The following LDLRAD4 variants were observed in gnomAD, a reference collection of about 807,000 sequenced individuals.
LDLRAD4 encodes the protein low-density lipoprotein receptor class A domain-containing protein 4.
A neutral mutation model predicts 17.0 loss-of-function variants in LDLRAD4; 5 were observed. The observed-to-expected ratio is 0.29, with a 90% CI of 0.15 to 0.62. The LOEUF (loss-of-function observed/expected upper bound fraction) is 0.62, where lower values mean the gene tolerates loss of function less well. Among genes scored for constraint, LDLRAD4 ranks in the 20% least tolerant of loss-of-function variants. The probability of loss-of-function intolerance (pLI) is 0.84; values close to 1 mark genes in which losing one functional copy is unlikely to be tolerated. For synonymous variants in LDLRAD4, 168 were observed against 171.8 expected (o/e 0.98, Z 0.17); for missense variants, 340 against 424.7 (o/e 0.80, Z 1.75).
intron 3 of LDLRAD4, among the ~76,000 whole-genome samples, chr18:13,555,831 T>C (rs2094477535): frequency 6.6e-6 from 1 of 152,246 alleles, no homozygotes; most frequent in African/African-American, 2.4e-5. Context: ...TCTTGGATTA[T>C]TACTTAGAGC....
At chr18:13,584,878 A>G (rs532884668) in intron 3 of LDLRAD4, among the ~76,000 whole-genome samples, 5 of 152,326 alleles carry the variant, frequency 3.3e-5, no homozygotes, top group African/African-American at 1.2e-4. Context: ...CCTCTTGTCC[A>G]GGCTCCAGGC....
rs1482269183 is a variant in LDLRAD4 at position 13,254,470 on chromosome 18, G to C, written c.-466-23635G>C. 2.0e-5 allele frequency among the ~76,000 whole-genome samples: 3 copies of C among 152,196 alleles called. No homozygotes were observed. In the East Asian group the frequency reaches 5.8e-4, roughly 29 times the overall value. On this transcript the variant is annotated intron_variant, in intron 1 of 5. Coordinates refer to the LDLRAD4 transcript ENST00000399848. ...TGAGCAGGGCTGGCGCGGACAGAGA[G>C]AATCCCGCCTCTTCAAGGTCGCTCA...
chr18:13,469,011 A>C (rs2092700265), intron 3 of LDLRAD4, among the ~76,000 whole-genome samples: 1 of 152,212 alleles, frequency 6.6e-6, no homozygotes, highest in Non-Finnish European at 1.5e-5. Context: ...AATAATAAAA[A>C]AAGAACTACT....
At chr18:13,363,566 C>A (rs1236625548) in intron 1 of LDLRAD4, among the ~76,000 whole-genome samples, 2 of 152,152 alleles carry the variant, frequency 1.3e-5, no homozygotes, top group Non-Finnish European at 2.9e-5. Flanking sequence ...TAGGAGTCAG[C>A]TTTGAGGACA....
Position 13,511,720 on chromosome 18 carries a change from GGA to G in LDLRAD4, c.181+73337_181+73338del, listed in dbSNP as rs1189367666. Among the ~76,000 whole-genome samples, 9 of 152,300 alleles carry G rather than the reference GGA, an allele frequency of 5.9e-5. No individual in the cohort carries two copies. In the South Asian group the frequency reaches 8.3e-4, roughly 14 times the overall value. On this transcript the variant is annotated intron_variant, in intron 3 of 5. Coordinates refer to ENST00000359446, the Ensembl canonical transcript of LDLRAD4. ...TCTGGCCCCTCAGTAGGAAAGGCGG[GGA>G]CATGGGTACAGGTGCCGGAACAGCC...
chr18:13,467,058 G>A (rs1348065408), intron 3 of LDLRAD4, among the ~76,000 whole-genome samples: 1 of 152,204 alleles, frequency 6.6e-6, no homozygotes, highest in Non-Finnish European at 1.5e-5. Flanking sequence ...ATACTCAGTG[G>A]TGAAAGCTTT....
chr18:13,276,454 G>A (rs771260209), upstream of LDLRAD4, among the ~76,000 whole-genome samples: 1 of 152,250 alleles, frequency 6.6e-6, no homozygotes, highest in African/African-American at 2.4e-5. Flanking sequence ...TGGTCAGGCT[G>A]TAGTCAAGGT....
chr18:13,445,622 C>T (rs1416817899), intron 3 of LDLRAD4, among the ~76,000 whole-genome samples: 6 of 147,956 alleles, frequency 4.1e-5, no homozygotes, highest in African/African-American at 7.5e-5. Context: ...AGTGTGTGTG[C>T]GTGTGTGTGT....
intron 3 of LDLRAD4, among the ~76,000 whole-genome samples, chr18:13,531,460 AATAGG>A (rs1352576607): frequency 2.0e-5 from 3 of 151,114 alleles, no homozygotes; most frequent in Non-Finnish European, 4.4e-5. Flanking sequence ...AAAAAAAAAA[AATAGG>A]TAGCCTCCCA....
At chr18:13,573,742 T>C (rs1044642975) in intron 3 of LDLRAD4, among the ~76,000 whole-genome samples, 1 of 152,164 alleles carries the variant, frequency 6.6e-6, no homozygotes, top group Non-Finnish European at 1.5e-5. Context: ...TTTGGTAGAA[T>C]TGTAATCAAA....
chr18:13,381,093 G>T (rs74856912), intron 1 of LDLRAD4, among the ~76,000 whole-genome samples: 19,024 of 57,898 alleles, frequency 0.33, 1,427 homozygotes, highest in East Asian at 0.39. Context: ...TTTTTTTTTT[G>T]AAGAGACAGG....
At chr18:13,511,318 A>T (rs531624271) in intron 3 of LDLRAD4, among the ~76,000 whole-genome samples, 1 of 152,242 alleles carries the variant, frequency 6.6e-6, no homozygotes, top group East Asian at 1.9e-4. Flanking sequence ...GCGGATCATG[A>T]GGTCAGGCGT....
chr18:13,266,720 C>T (rs1042940006), intron 1 of LDLRAD4, among the ~76,000 whole-genome samples: 5 of 152,254 alleles, frequency 3.3e-5, no homozygotes, highest in Non-Finnish European at 5.9e-5. Context: ...AGCCCAGCAC[C>T]GCAGTCCTGG....
chr18:13,431,052 T>G (rs1443055623), intron 2 of LDLRAD4, among the ~76,000 whole-genome samples: 3 of 152,264 alleles, frequency 2.0e-5, no homozygotes, highest in Non-Finnish European at 4.4e-5. Context: ...ATTATGAATT[T>G]TAATGGCTTT....
At chr18:13,462,895 C>G (rs2092480112) in intron 3 of LDLRAD4, among the ~76,000 whole-genome samples, 1 of 152,150 alleles carries the variant, frequency 6.6e-6, no homozygotes, top group Non-Finnish European at 1.5e-5. Context: ...ATAGTATACT[C>G]TCACGCGGAG....
At chr18:13,326,296 C>T (rs1418468475) in intron 1 of LDLRAD4, among the ~76,000 whole-genome samples, 1 of 151,886 alleles carries the variant, frequency 6.6e-6, no homozygotes. Flanking sequence ...GGCTGTAAGG[C>T]GAATGATTAC....
intron 1 of LDLRAD4, among the ~76,000 whole-genome samples, chr18:13,248,474 C>T (rs937657799): frequency 6.6e-6 from 1 of 152,196 alleles, no homozygotes; most frequent in African/African-American, 2.4e-5. Context: ...GCGACCACCC[C>T]ATAAGATGTG....
chr18:13,329,286 G>A (rs2081714171), intron 1 of LDLRAD4, among the ~76,000 whole-genome samples: 1 of 152,100 alleles, frequency 6.6e-6, no homozygotes, highest in Non-Finnish European at 1.5e-5. Context: ...ACATACTAGA[G>A]GCCTGTTTCT....
chr18:13,420,064 CT>C (rs1467413161), intron 2 of LDLRAD4: 1 of 152,090 alleles, frequency 6.6e-6, no homozygotes, highest in Non-Finnish European at 1.5e-5. Context: ...TACTGAGAAC[CT>C]TTTTAAAAGG....
Sources: allele counts gnomAD v4.1 joint callset (sites outside exome capture counted in the v4.1 genomes callset), GRCh38; gene constraint gnomAD v4.1.1; transcripts MANE v1.5; gene names NCBI Gene and HGNC (gene_info 2026-07-23, HGNC 2026-07-21).